Variants in MACROD2 observed in about 807,000 individuals in gnomAD.
The protein encoded by MACROD2 is mono-ADP ribosylhydrolase 2.
Under a neutral mutation model 70.4 loss-of-function variants are expected in MACROD2, and 36 were observed. The observed-to-expected ratio is 0.51, with a 90% CI of 0.39 to 0.68. The LOEUF (loss-of-function observed/expected upper bound fraction) is 0.68, where lower values mean the gene tolerates loss of function less well. Among genes scored for constraint, MACROD2 ranks in the 30% least tolerant of loss-of-function variants. The pLI is 0.00. For synonymous variants in MACROD2, 172 were observed against 178.8 expected, an observed-to-expected ratio of 0.96 and a Z score of 0.30; for missense variants, 496 against 538.4, an observed-to-expected ratio of 0.92 and a Z score of 0.78.
intron 8 of MACROD2, among the ~76,000 whole-genome samples, chr20:15,650,366 T>A (rs1342699355): frequency 6.6e-6 from 1 of 152,200 alleles, no homozygotes; most frequent in East Asian, 1.9e-4. Context: ...TGAAAAAAAA[T>A]TATGCTGCTT....
chr20:14,296,364 A>G (rs1057352231), intron 3 of MACROD2, among the ~76,000 whole-genome samples: 6 of 151,978 alleles, frequency 3.9e-5, no homozygotes, highest in Admixed American at 6.6e-5. Context: ...TCATGGCTGC[A>G]TTATTCATAA....
At chr20:14,609,414 T>C (rs1352669818) in intron 4 of MACROD2, among the ~76,000 whole-genome samples, 1 of 152,124 alleles carries the variant, frequency 6.6e-6, no homozygotes, top group Admixed American at 6.6e-5. Flanking sequence ...GGAAGACTTA[T>C]TAGCAGACTA....
rs201800951 is a variant in MACROD2, at chr20:14,322,407, CT to C, written c.272-171058del. 1.0e-3 allele frequency among the ~76,000 whole-genome samples: 140 copies of C among 134,366 alleles called. 1 individual carries two copies. The highest frequency in any genetic ancestry group is 1.7e-3 in the East Asian group (8 of 4,672). The allele number at this position is 134,366 out of a possible 152,430, so 88.1% of individuals were successfully genotyped here. ...TGACTGGAAAATATCAATATAATCTCTTTTTTTTTTTTTTGCTTTTTATAAA... is the reference window on the plus strand; with the variant it reads ...TGACTGGAAAATATCAATATAATCTCTTTTTTTTTTTTTGCTTTTTATAAA... On this transcript the variant is annotated intron_variant, in intron 3 of 17. Transcript: ENST00000684519.
At chr20:15,134,727 C>T (rs1601119976) in intron 5 of MACROD2, among the ~76,000 whole-genome samples, 1 of 151,990 alleles carries the variant, frequency 6.6e-6, no homozygotes, top group African/African-American at 2.4e-5. Flanking sequence ...CAGAGCAGAA[C>T]TGAAGGAAAT....
intron 5 of MACROD2, among the ~76,000 whole-genome samples, chr20:14,732,977 A>G (rs2071616536): frequency 6.6e-6 from 1 of 152,202 alleles, no homozygotes. Flanking sequence ...AGAATAAAAG[A>G]CATAGCATAG....
intron 9 of MACROD2, among the ~76,000 whole-genome samples, chr20:15,867,168 C>G (rs2064505185): frequency 6.6e-6 from 1 of 152,110 alleles, no homozygotes; most frequent in East Asian, 1.9e-4. Flanking sequence ...GGATACCAGT[C>G]AAATGGGATT....
Position 14,565,566 on chromosome 20 carries a change from T to C in MACROD2, c.301+72058T>C, listed in dbSNP as rs562662819. On this transcript the variant is annotated intron_variant, in intron 4 of 17. Transcript: ENST00000684519. ...ATCTCGGAAAATTCCTCTAGATTGT[T>C]GCATGTTTCAATAGTTGGTTCTTAC... Among the ~76,000 whole-genome samples, 8 of 151,998 alleles carry C rather than the reference T, an allele frequency of 5.3e-5. No individual in the cohort carries two copies. The East Asian group carries it at 1.6e-3, about 30-fold the overall frequency.
intron 8 of MACROD2, among the ~76,000 whole-genome samples, chr20:15,801,193 A>AT (rs1439099941): frequency 2.4e-5 from 3 of 124,048 alleles, no homozygotes; most frequent in African/African-American, 1.4e-4. Flanking sequence ...AATTAAAAAA[A>AT]AAAAAAAAAA....
chr20:15,958,498 C>G (rs1226592818), intron 12 of MACROD2, among the ~76,000 whole-genome samples: 1 of 152,158 alleles, frequency 6.6e-6, no homozygotes, highest in African/African-American at 2.4e-5. Flanking sequence ...TGCCAGAGAA[C>G]TGAAATGGAG....
In MACROD2 at chr20:16,035,146, TATATAAAATATAATATAAAATATAAA is replaced by T. The variant is rs1298560823; in HGVS notation, c.1154-6050_1154-6025del. ...ATAAAATATTATATATTATATATTA[TATATAAAATATAATATAAAATATAAA>T]ATATTATATATTATATATAAAATAT... On this transcript the variant is annotated intron_variant, in intron 15 of 17. Transcript: ENST00000684519. Among the ~76,000 whole-genome samples the T allele has an allele frequency of 2.3e-3, 236 of 101,002 alleles. 12 individuals carry two copies. The highest frequency in any genetic ancestry group is 0.021 in the East Asian group (73 of 3,466). 66.3% of individuals were successfully genotyped at this position (101,002 alleles called of 152,430 possible).
chr20:14,568,071 G>A (rs1056372646), intron 4 of MACROD2, among the ~76,000 whole-genome samples: 2 of 152,018 alleles, frequency 1.3e-5, no homozygotes, highest in Non-Finnish European at 2.9e-5. Flanking sequence ...AATGCATTAG[G>A]AAAAGAGAGA....
intron 6 of MACROD2, among the ~76,000 whole-genome samples, chr20:15,382,942 A>T (rs907465460): frequency 6.6e-6 from 1 of 152,222 alleles, no homozygotes; most frequent in African/African-American, 2.4e-5. Flanking sequence ...TACTGCAAAT[A>T]TGTAAGAGCA....
chr20:15,999,367 G>A (rs1045302148), intron 15 of MACROD2, among the ~76,000 whole-genome samples: 3 of 152,126 alleles, frequency 2.0e-5, no homozygotes, highest in African/African-American at 7.2e-5. Flanking sequence ...TGATTTCAAT[G>A]AACTTAAGAT....
At chr20:16,044,437 T>C (rs2067350622) in intron 16 of MACROD2, 134 bp from the exon 17 acceptor site, 2 of 751,430 alleles carry the variant, frequency 2.7e-6, no homozygotes, top group Admixed American at 2.6e-5. Context: ...CCCCAAATCT[T>C]GAATGAATGA....
intron 5 of MACROD2, among the ~76,000 whole-genome samples, chr20:15,164,667 A>G (rs892309733): frequency 6.6e-6 from 1 of 152,142 alleles, no homozygotes; most frequent in Non-Finnish European, 1.5e-5. Flanking sequence ...AGGCCAAGAC[A>G]GGAGGACCAC....
chr20:14,917,898 G>A (rs1397992972), intron 5 of MACROD2, among the ~76,000 whole-genome samples: 1 of 152,160 alleles, frequency 6.6e-6, no homozygotes, highest in African/African-American at 2.4e-5. Flanking sequence ...AGGGAAGAGA[G>A]TAACTGTGTA....
chr20:15,083,404 C>T (rs2075720133), intron 5 of MACROD2, among the ~76,000 whole-genome samples: 1 of 152,156 alleles, frequency 6.6e-6, no homozygotes, highest in Non-Finnish European at 1.5e-5. Context: ...CTCGACAATG[C>T]TATTAATTTT....
chr20:14,045,504 G>A (rs2053460139), intron 2 of MACROD2, among the ~76,000 whole-genome samples: 1 of 152,170 alleles, frequency 6.6e-6, no homozygotes, highest in Admixed American at 6.5e-5. Context: ...TTATTTAAAA[G>A]CAATCAAATA....
chr20:15,302,856 G>A (rs2146130363), intron 6 of MACROD2, among the ~76,000 whole-genome samples: 1 of 152,274 alleles, frequency 6.6e-6, no homozygotes, highest in South Asian at 2.1e-4. Flanking sequence ...TATAGAAATT[G>A]AGCATCTTTA....
Sources: gnomAD v4.1 joint callset for allele counts (sites outside exome capture counted in the v4.1 genomes callset) on GRCh38, gnomAD v4.1.1 for gene constraint, MANE v1.5 for transcripts, NCBI Gene and HGNC (gene_info 2026-07-23, HGNC 2026-07-21) for gene names.